Variants in HIPK1 observed in about 807,000 individuals in gnomAD.
The protein encoded by HIPK1 is homeodomain-interacting protein kinase 1.
HIPK1 carries 28 observed loss-of-function variants against 117.1 expected under a neutral mutation model. The observed-to-expected ratio is 0.24, with a 90% confidence interval of 0.18 to 0.33. The LOEUF (loss-of-function observed/expected upper bound fraction) is 0.33. Ranked by LOEUF, HIPK1 falls within the 10% of genes least tolerant of loss-of-function variation. The pLI, the probability that HIPK1 is intolerant of heterozygous loss-of-function variation, is 1.00. For synonymous variants in HIPK1, 605 were observed against 562.5 expected (o/e 1.08, Z -1.07); for missense variants, 1,122 against 1,475.1 (o/e 0.76, Z 3.92).
chr1:113,948,690 A>G (rs1391187727), intron 2 of HIPK1, among the ~76,000 whole-genome samples: 1 of 151,686 alleles, frequency 6.6e-6, no homozygotes, highest in African/African-American at 2.4e-5. Context: ...TGTCACTCCA[A>G]AAGCAGGGTG....
At chr1:113,953,411 C>T (rs1671497356) in intron 3 of HIPK1, among the ~76,000 whole-genome samples, 1 of 152,170 alleles carries the variant, frequency 6.6e-6, no homozygotes, top group African/African-American at 2.4e-5. Flanking sequence ...TAAAAATAGA[C>T]AAACTTTAGG....
At chr1:113,957,918 G>T in intron 7 of HIPK1, 148 bp from the exon 8 acceptor site, 1 of 635,386 alleles carries the variant, frequency 1.6e-6, no homozygotes, top group South Asian at 2.0e-5. Context: ...GACTAGGGAA[G>T]TTTCTTAAGC....
rs539045944 is a variant in HIPK1, at chr1:113,943,599, AC to A, written c.1076+2141del. Among the ~76,000 whole-genome samples, 4 of 152,310 alleles carry A rather than the reference AC, an allele frequency of 2.6e-5. No homozygotes were observed. The East Asian group carries it at 7.7e-4, about 29-fold the overall frequency. On this transcript the variant is annotated intron_variant, in intron 2 of 15. Transcript: ENST00000426820. ...ATAATGCTGCTATGAACATTGGTGTACAAGTATCCTAGTCCCTATTTTCAGT... is the reference window on the plus strand; with the variant it reads ...ATAATGCTGCTATGAACATTGGTGTAAAGTATCCTAGTCCCTATTTTCAGT...
At chr1:113,962,267 G>A (rs1271743655) in intron 8 of HIPK1, 50 bp from the exon 9 acceptor site, 3 of 1,579,576 alleles carry the variant, frequency 1.9e-6, no homozygotes, top group Non-Finnish European at 2.6e-6. Flanking sequence ...TCTTAAAACA[G>A]TACTCCCAGA....
Position 113,940,584 on chromosome 1 carries a change from C to T in HIPK1, c.201C>T (p.Ile67=). The T allele has an allele frequency of 6.2e-7, 1 of 1,614,196 alleles. No homozygotes were observed. The highest frequency in any genetic ancestry group is 8.5e-7 in the Non-Finnish European group (1 of 1,180,038). The stretch of plus-strand genomic sequence containing the variant: ...CTCACCAGGTAGCAAATTTCAACAT[C>T]CCTGCTTACGACCAGGGCCTCCTCC... ...NSSHQVANFN[I]PAYDQGLLLP... is the part of the protein sequence containing the mutation. Residue 67 remains isoleucine (I), a synonymous_variant, in exon 2 of 16, where the codon ATC becomes ATT. Transcript: ENST00000426820.
chr1:113,962,025 A>C (rs1415760603), intron 8 of HIPK1, among the ~76,000 whole-genome samples: 1 of 151,238 alleles, frequency 6.6e-6, no homozygotes, highest in Non-Finnish European at 1.5e-5. Context: ...CTGTACTCTT[A>C]ATGGAGATGG....
Position 113,940,824 on chromosome 1 carries a change from G to A in HIPK1, c.441G>A (p.Leu147=). The change falls in exon 2 of 16, where the codon CTG becomes CTA. Residue 147 remains leucine (L), a synonymous_variant. Coordinates refer to ENST00000426820, the MANE Select transcript of HIPK1 (RefSeq NM_198268.3). ...TAGAAGAACATCCCCCTCTCATGCT[G>A]CAAAACAGGACTGTGGTGGGTGCTG... is the stretch of plus-strand genomic sequence containing the variant. ...QIIEEHPPLM[L]QNRTVVGAAA... 1 of 1,614,118 alleles carries A rather than the reference G, an allele frequency of 6.2e-7. No individual in the cohort carries two copies.
At chr1:113,942,756 C>T (rs887415168) in intron 2 of HIPK1, among the ~76,000 whole-genome samples, 2 of 152,080 alleles carry the variant, frequency 1.3e-5, no homozygotes, top group Non-Finnish European at 2.9e-5. Flanking sequence ...GTACCATAAC[C>T]AAGGCTTTTA....
In HIPK1 at chr1:113,969,988, G is replaced by C. The variant is rs1672713914; in HGVS notation, c.2804G>C (p.Ser935Thr). Residue 935 changes from serine to threonine, a missense_variant, in exon 14 of 16, where the codon AGT (serine) becomes ACT (threonine). This residue lies in a region of HIPK1 where 731 missense variants were observed against 860.4 expected (regional missense o/e 0.85). Transcript: ENST00000426820. The part of the protein sequence containing the change: ...SGLKPRSNVI[S>T]YVTVNDSPDS... ...CTGAAGCCAAGGTCTAATGTCATCA[G>C]TTATGTCACTGTCAATGATTCTCCA... The C allele has an allele frequency of 6.2e-7, 1 of 1,614,070 alleles. No homozygotes were observed. Among genetic ancestry groups the C allele is most frequent in the African/African-American group, 1.3e-5 (1 of 74,932 alleles).
chr1:113,962,169 T>C, intron 8 of HIPK1, 148 bp from the exon 9 acceptor site: 1 of 706,048 alleles, frequency 1.4e-6, no homozygotes, highest in Non-Finnish European at 2.2e-6. Context: ...TTCCAAGACT[T>C]CTATGAATGA....
chr1:113,947,790 A>G (rs921666176), intron 2 of HIPK1, among the ~76,000 whole-genome samples: 1 of 152,230 alleles, frequency 6.6e-6, no homozygotes, highest in African/African-American at 2.4e-5. Flanking sequence ...GTGTCTTCAA[A>G]GAGGAGACTT....
chr1:113,962,281 T>G, intron 8 of HIPK1, 36 bp from the exon 9 acceptor site: 1 of 1,607,130 alleles, frequency 6.2e-7, no homozygotes. Flanking sequence ...TCCCAGACCT[T>G]GCAAAACTAT....
chr1:113,939,249 G>A (rs1239394108), intron 1 of HIPK1, among the ~76,000 whole-genome samples: 3 of 151,676 alleles, frequency 2.0e-5, no homozygotes, highest in African/African-American at 7.3e-5. Context: ...CTACCTCTGG[G>A]CTCAGGTGAT....
intron 1 of HIPK1, among the ~76,000 whole-genome samples, chr1:113,936,685 G>A (rs1000109384): frequency 6.6e-6 from 1 of 152,232 alleles, no homozygotes; most frequent in East Asian, 1.9e-4. Context: ...GGTTGGTCTC[G>A]AACTCCTGAC....
Position 113,941,115 on chromosome 1 carries a change from A to G in HIPK1, c.732A>G (p.Glu244=), listed in dbSNP as rs770050826. The change falls in exon 2 of 16, where the codon GAA becomes GAG. Residue 244 remains glutamate (E), a synonymous_variant. Transcript: ENST00000426820. This position sits in a 1 kb window ranked among gnomAD's most constrained non-coding sequence, Gnocchi z 4.9. ...EVSILSRLSS[E]NADEYNFVRS... The stretch of plus-strand genomic sequence containing the variant: ...GCATCCTTTCCCGCCTAAGCAGTGA[A>G]AATGCTGATGAGTATAATTTTGTCC... 1.9e-6 allele frequency: 3 copies of G among 1,614,244 alleles called. No homozygotes were observed. In the South Asian group the frequency reaches 3.3e-5, roughly 18 times the overall value.
chr1:113,960,349 C>T (rs1005439556), intron 8 of HIPK1, among the ~76,000 whole-genome samples: 1 of 152,140 alleles, frequency 6.6e-6, no homozygotes, highest in Non-Finnish European at 1.5e-5. Flanking sequence ...TTTTTTTCCA[C>T]TTTTGGGCTC....
At chr1:113,952,637 A>G in intron 2 of HIPK1, 129 bp from the exon 3 acceptor site, 1 of 661,952 alleles carries the variant, frequency 1.5e-6, no homozygotes, top group South Asian at 3.8e-5. Context: ...ATTGTATACC[A>G]AAGATTTTTT....
intron 1 of HIPK1, among the ~76,000 whole-genome samples, chr1:113,934,816 C>A (rs1456455433): frequency 6.9e-6 from 1 of 145,410 alleles, no homozygotes; most frequent in African/African-American, 2.5e-5. Flanking sequence ...AAAAATTAGC[C>A]AACTGTGGCA....
At chr1:113,945,609 T>A (rs1250574562) in intron 2 of HIPK1, among the ~76,000 whole-genome samples, 1 of 152,252 alleles carries the variant, frequency 6.6e-6, no homozygotes, top group African/African-American at 2.4e-5. Flanking sequence ...ATTGGGTGGT[T>A]TGGGCACCCT....
Sources: gnomAD v4.1 joint callset for allele counts (sites outside exome capture counted in the v4.1 genomes callset) on GRCh38, gnomAD v4.1.1 for gene constraint, gnomAD v4.1.1 regional missense constraint, Gnocchi (gnomAD v3.1) non-coding constraint, MANE v1.5 for transcripts, NCBI Gene and HGNC (gene_info 2026-07-23, HGNC 2026-07-21) for gene names.